The following CTTNBP2 variants were observed in gnomAD, a reference collection of about 807,000 sequenced individuals.
CTTNBP2 encodes cortactin binding protein 2.
Under a neutral mutation model 156.9 loss-of-function variants are expected in CTTNBP2, and 108 were observed. The observed-to-expected ratio is 0.69, with a 90% CI of 0.59 to 0.81. The LOEUF is 0.81. Among genes scored for constraint, CTTNBP2 ranks in the 30% least tolerant of loss-of-function variants. The pLI is 0.00. For missense variants in CTTNBP2, 1,924 were observed against 2,035.4 expected (o/e 0.95, Z 1.05); for synonymous variants, 767 against 751.8 (o/e 1.02, Z -0.33).
At chr7:117,769,438 T>C (rs901721923) in intron 8 of CTTNBP2, among the ~76,000 whole-genome samples, 1 of 152,186 alleles carries the variant, frequency 6.6e-6, no homozygotes, top group African/African-American at 2.4e-5. Context: ...ACTAGGACAT[T>C]TGTTTCTCCC....
At chr7:117,765,218 G>A (rs1434316921) in intron 9 of CTTNBP2, among the ~76,000 whole-genome samples, 1 of 152,170 alleles carries the variant, frequency 6.6e-6, no homozygotes, top group Non-Finnish European at 1.5e-5. Context: ...TTACAGACGT[G>A]AGCCACCACA....
chr7:117,800,085 T>C (rs1377826784), intron 3 of CTTNBP2, among the ~76,000 whole-genome samples: 1 of 151,640 alleles, frequency 6.6e-6, no homozygotes, highest in African/African-American at 2.4e-5. Flanking sequence ...AATTAGTCTA[T>C]AGATTCAATG....
chr7:117,821,998 C>T (rs1468559624), intron 2 of CTTNBP2, among the ~76,000 whole-genome samples: 1 of 152,072 alleles, frequency 6.6e-6, no homozygotes, highest in Non-Finnish European at 1.5e-5. Flanking sequence ...AAAATGAGTT[C>T]ACCCATTTAC....
intron 18 of CTTNBP2, 114 bp from the exon 19 acceptor site, chr7:117,724,846 A>G: frequency 7.7e-7 from 1 of 1,296,356 alleles, no homozygotes; most frequent in Non-Finnish European, 1.1e-6. Flanking sequence ...TTTAGTATCC[A>G]AGCTGGGGTT....
chr7:117,810,069 C>T (rs1322732207), intron 3 of CTTNBP2, among the ~76,000 whole-genome samples: 1 of 151,962 alleles, frequency 6.6e-6, no homozygotes, highest in Non-Finnish European at 1.5e-5. Context: ...GAACTTTGTA[C>T]TCTTTGAAGC....
At chr7:117,832,535 AT>A (rs150586583) in intron 2 of CTTNBP2, among the ~76,000 whole-genome samples, 3,783 of 147,890 alleles carry the variant, frequency 0.026, 170 homozygotes, top group African/African-American at 0.088. Flanking sequence ...CTCTACTCTC[AT>A]TTTTTTTTTA....
chr7:117,811,166 A>G lies in CTTNBP2; in HGVS notation c.190-177T>C, dbSNP rs141737991. Among the ~76,000 whole-genome samples the G allele has an allele frequency of 9.8e-5, 15 of 152,296 alleles. No homozygotes were observed. The East Asian group carries it at 2.7e-3, about 27-fold the overall frequency. ...TGACCCCCAGTCTCCACTAGCCTGG[A>G]ATGCCATTCCATCTGCTTTCAAATT... On this transcript the variant is annotated intron_variant, in intron 2 of 22. Transcript: ENST00000160373.
intron 14 of CTTNBP2, among the ~76,000 whole-genome samples, chr7:117,739,887 T>A (rs563610144): frequency 6.6e-6 from 1 of 152,276 alleles, no homozygotes; most frequent in East Asian, 1.9e-4. Context: ...AGCAACCCTA[T>A]CCTCATTACT....
chr7:117,720,199 C>G (rs1794704263), intron 20 of CTTNBP2, among the ~76,000 whole-genome samples: 1 of 151,838 alleles, frequency 6.6e-6, no homozygotes, highest in Non-Finnish European at 1.5e-5. Context: ...CTCTCTTTAC[C>G]CTCCCCTCTT....
intron 8 of CTTNBP2, among the ~76,000 whole-genome samples, chr7:117,773,308 G>A (rs1327018568): frequency 2.0e-5 from 3 of 152,182 alleles, no homozygotes; most frequent in Non-Finnish European, 4.4e-5. Context: ...ATACCTCCTG[G>A]AGGACCAAGG....
chr7:117,872,347 C>T (rs1375304595), intron 1 of CTTNBP2: 1 of 151,826 alleles, frequency 6.6e-6, no homozygotes, highest in African/African-American at 2.4e-5. Context: ...CCGCTCGCTC[C>T]ATCCCACCCC....
At chr7:117,733,792 C>A (rs1795532050) in intron 16 of CTTNBP2, among the ~76,000 whole-genome samples, 1 of 152,206 alleles carries the variant, frequency 6.6e-6, no homozygotes, top group Admixed American at 6.5e-5. Context: ...ACCATCTCCC[C>A]TGCCCCAGCA....
At chr7:117,786,613 C>T (rs1475590098) in intron 4 of CTTNBP2, among the ~76,000 whole-genome samples, 1 of 151,998 alleles carries the variant, frequency 6.6e-6, no homozygotes, top group East Asian at 1.9e-4. Context: ...TCATACTCAG[C>T]CTCTCTTTCA....
At chr7:117,826,863 AT>A (rs1801317080) in intron 2 of CTTNBP2, among the ~76,000 whole-genome samples, 2 of 144,276 alleles carry the variant, frequency 1.4e-5, no homozygotes, top group Non-Finnish European at 3.1e-5. Context: ...TATTATTATT[AT>A]TATTATTATT....
chr7:117,741,569 C>T (rs756545771), intron 14 of CTTNBP2, among the ~76,000 whole-genome samples: 3 of 152,212 alleles, frequency 2.0e-5, no homozygotes, highest in African/African-American at 4.8e-5. Context: ...AGTATGCATT[C>T]GCAGCCTCCT....
chr7:117,751,462 C>T (rs1274640438), intron 12 of CTTNBP2, among the ~76,000 whole-genome samples: 1 of 152,226 alleles, frequency 6.6e-6, no homozygotes, highest in Non-Finnish European at 1.5e-5. Flanking sequence ...CCACCCATAT[C>T]TGACACCTGA....
At position 117,710,871 on chromosome 7, in the gene CTTNBP2, C is replaced by T. The variant is rs1357438857; in HGVS notation, c.*666G>A. 6.6e-6 allele frequency: 1 copy of T among 152,524 alleles called. No individual in the cohort carries two copies. The highest frequency in any genetic ancestry group is 6.6e-5 in the Admixed American group (1 of 15,262). 9.4% of individuals were successfully genotyped at this position (152,524 alleles called of 1,614,324 possible). A position where few individuals can be genotyped will look rare whatever the true frequency, so the allele number is the denominator to read the frequency against. The stretch of plus-strand genomic sequence containing the variant: ...TGTAAGAAAGATAACACTTTTATTG[C>T]ATTATAATTTCATATTTTACAGGAG... On this transcript the variant is annotated 3_prime_UTR_variant, in exon 23 of 23. Transcript: ENST00000160373.
chr7:117,724,725 G>T lies in CTTNBP2; in HGVS notation c.4269C>A (p.Asp1423Glu), dbSNP rs145435806. 200 of 1,613,746 alleles carry T rather than the reference G, an allele frequency of 1.2e-4. No individual in the cohort carries two copies. The highest frequency in any genetic ancestry group is 1.6e-4 in the Non-Finnish European group (184 of 1,179,954). ...CTCCTTTGAAATCAGCTGTATGCTG[G>T]TCTAGCTCTGAAACAACACAAATCA... Reference protein sequence around the residue: ...HGCPLPRAELDQHTADFKGGS... With the variant: ...HGCPLPRAELEQHTADFKGGS... Residue 1423 changes from aspartate (D) to glutamate (E), a missense_variant, in exon 19 of 23, where the codon GAC (aspartate) becomes GAA (glutamate). Coordinates refer to ENST00000160373, the MANE Select transcript of CTTNBP2 (RefSeq NM_033427.3).
intron 8 of CTTNBP2, among the ~76,000 whole-genome samples, chr7:117,770,006 A>C (rs1797718751): frequency 1.3e-5 from 2 of 152,224 alleles, no homozygotes; most frequent in Admixed American, 6.5e-5. Flanking sequence ...AGATGCACAC[A>C]AAGTTCTTAT....
Sources: gnomAD v4.1 joint callset for allele counts (sites outside exome capture counted in the v4.1 genomes callset) on GRCh38, gnomAD v4.1.1 for gene constraint, MANE v1.5 for transcripts, NCBI Gene and HGNC (gene_info 2026-07-23, HGNC 2026-07-21) for gene names.